The following VPS13B variants were observed in gnomAD, a reference collection of about 807,000 sequenced individuals.
VPS13B encodes the protein intermembrane lipid transfer protein VPS13B.
In VPS13B, 285 loss-of-function variants were observed where a neutral mutation model predicts 426.4. That is an observed-to-expected ratio of 0.67 (90% CI 0.61 to 0.74). VPS13B has a LOEUF of 0.74. Among genes scored for constraint, VPS13B ranks in the 30% least tolerant of loss-of-function variants. The probability of loss-of-function intolerance (pLI) is 0.00; values close to 1 mark genes in which losing one functional copy is unlikely to be tolerated. For synonymous variants in VPS13B, 1,676 were observed against 1,676.4 expected, an observed-to-expected ratio of 1.00 and a Z score of 0.01; for missense variants, 4,537 against 4,782.6, an observed-to-expected ratio of 0.95 and a Z score of 1.51.
At chr8:99,735,502 A>G (rs1833787926) in intron 39 of VPS13B, among the ~76,000 whole-genome samples, 1 of 152,202 alleles carries the variant, frequency 6.6e-6, no homozygotes, top group African/African-American at 2.4e-5. Flanking sequence ...CTACAAGCCA[A>G]GGAACACCTG....
intron 17 of VPS13B, among the ~76,000 whole-genome samples, chr8:99,221,630 C>T (rs553403472): frequency 6.6e-6 from 1 of 152,148 alleles, no homozygotes; most frequent in Non-Finnish European, 1.5e-5. Flanking sequence ...CGCGGACACA[C>T]CGTGTTCTCA....
chr8:99,157,119 T>C lies in VPS13B; in HGVS notation c.2208+376T>C, dbSNP rs1018391363. Among the ~76,000 whole-genome samples, 30 of 152,206 alleles carry C rather than the reference T, an allele frequency of 2.0e-4. 1 individual carries two copies. On this transcript the variant is annotated intron_variant, in intron 15 of 61. Coordinates refer to ENST00000357162, the MANE Select transcript of VPS13B (RefSeq NM_152564.5). ...CATTTGTGTGAGGCATAATGAGGCA[T>C]AAAGAGGGCCTAAAACTTTTTTATG...
chr8:99,608,759 C>T (rs1210046472), intron 33 of VPS13B, among the ~76,000 whole-genome samples: 4 of 152,050 alleles, frequency 2.6e-5, no homozygotes, highest in African/African-American at 9.7e-5. Context: ...ATATGTGGTC[C>T]TTTGTGGCTG....
chr8:99,431,316 G>T (rs888018373), intron 21 of VPS13B, among the ~76,000 whole-genome samples: 3 of 152,128 alleles, frequency 2.0e-5, no homozygotes, highest in African/African-American at 7.2e-5. Flanking sequence ...CCTGACAAGG[G>T]TGAATGCTCT....
chr8:99,487,544 A>G (rs1480661140), intron 25 of VPS13B, among the ~76,000 whole-genome samples: 1 of 152,140 alleles, frequency 6.6e-6, no homozygotes, highest in Non-Finnish European at 1.5e-5. Context: ...ACCACTATCT[A>G]TTTCTAGAAA....
At chr8:99,017,533 A>G (rs1035827333) in intron 2 of VPS13B, among the ~76,000 whole-genome samples, 2 of 150,618 alleles carry the variant, frequency 1.3e-5, no homozygotes, top group Non-Finnish European at 3.0e-5. Context: ...CTTGCTCTGT[A>G]GCCCAGGCTG....
intron 3 of VPS13B, among the ~76,000 whole-genome samples, chr8:99,043,685 A>C (rs1156941496): frequency 6.6e-6 from 1 of 151,748 alleles, no homozygotes; most frequent in Non-Finnish European, 1.5e-5. Context: ...TGGTTCACAG[A>C]CTTTTTTTTT....
chr8:99,408,973 T>C (rs529562357), intron 21 of VPS13B, among the ~76,000 whole-genome samples: 63 of 152,256 alleles, frequency 4.1e-4, no homozygotes, highest in Non-Finnish European at 8.1e-4. Flanking sequence ...AAACAATGGC[T>C]CTAAAAAACT....
rs778909946 is a variant in VPS13B, at chr8:99,296,543, C to G, written c.2824+21289C>G. Among the ~76,000 whole-genome samples, 3 of 152,064 alleles carry G rather than the reference C, an allele frequency of 2.0e-5. No individual in the cohort carries two copies. In the East Asian group the frequency reaches 5.8e-4, roughly 29 times the overall value. Reference sequence around the variant, plus strand: ...GTTAAATCTTTCTTTACTCTAAAAACAAGCAAAACCTTATCTGTGCATATT... The same window carrying G: ...GTTAAATCTTTCTTTACTCTAAAAAGAAGCAAAACCTTATCTGTGCATATT... On this transcript the variant is annotated intron_variant, in intron 19 of 61. Coordinates refer to ENST00000357162, the MANE Select transcript of VPS13B (RefSeq NM_152564.5).
At chr8:99,777,565 C>T (rs542865605) in intron 41 of VPS13B, among the ~76,000 whole-genome samples, 2 of 152,302 alleles carry the variant, frequency 1.3e-5, no homozygotes, top group South Asian at 4.1e-4. Flanking sequence ...TGGGTGGGGA[C>T]ACAACCAAAC....
intron 23 of VPS13B, among the ~76,000 whole-genome samples, chr8:99,455,706 A>G (rs1343270452): frequency 1.3e-5 from 2 of 152,156 alleles, no homozygotes; most frequent in Non-Finnish European, 2.9e-5. Context: ...ACATTTTAAT[A>G]CACTGGAATC....
intron 31 of VPS13B, among the ~76,000 whole-genome samples, chr8:99,568,181 CAG>C (rs1269723893): frequency 6.6e-6 from 1 of 151,656 alleles, no homozygotes; most frequent in Non-Finnish European, 1.5e-5. Context: ...TTTTGTAAGT[CAG>C]AGAGAGTTTG....
chr8:99,013,477 G>T (rs984924001), intron 1 of VPS13B, 130 bp downstream of exon 1: 15 of 396,664 alleles, frequency 3.8e-5, no homozygotes, highest in Admixed American at 7.6e-5. Context: ...TTGGTGAAGG[G>T]CTACTGCGGC....
chr8:99,043,967 A>C (rs900094389), intron 3 of VPS13B, among the ~76,000 whole-genome samples: 1 of 151,792 alleles, frequency 6.6e-6, no homozygotes, highest in African/African-American at 2.4e-5. Flanking sequence ...GCTATCATTT[A>C]AAGTGCTTAT....
rs1841422310 is a variant in VPS13B, at chr8:99,013,362, G to A, written c.-30+15G>A. The A allele has an allele frequency of 3.4e-6, 1 of 289,974 alleles. No individual in the cohort carries two copies. Among genetic ancestry groups the A allele is most frequent in the Non-Finnish European group, 6.7e-6 (1 of 148,628 alleles). The allele number at this position is 289,974 out of a possible 1,614,324, so 18.0% of individuals were successfully genotyped here. ...TACTCTGGCGTGTGAGCCGAGGGTG[G>A]AGTGCAGAGGGAGCGGGAGCGGGAC... On this transcript the variant is annotated intron_variant, in intron 1 of 61. Coordinates refer to ENST00000357162, the MANE Select transcript of VPS13B (RefSeq NM_152564.5).
chr8:99,200,228 G>T (rs759411662), intron 17 of VPS13B, among the ~76,000 whole-genome samples: 6 of 151,900 alleles, frequency 3.9e-5, no homozygotes, highest in African/African-American at 4.8e-5. Flanking sequence ...AGCATATGTC[G>T]GTGCTCATTC....
chr8:99,362,854 A>G (rs1812644108), intron 19 of VPS13B, among the ~76,000 whole-genome samples: 1 of 152,184 alleles, frequency 6.6e-6, no homozygotes, highest in South Asian at 2.1e-4. Flanking sequence ...CTTGGATAGT[A>G]TGGTAGCTCT....
chr8:99,744,512 C>T (rs541121358), intron 39 of VPS13B, among the ~76,000 whole-genome samples: 128 of 152,266 alleles, frequency 8.4e-4, no homozygotes, highest in African/African-American at 2.9e-3. Flanking sequence ...TATAAAGACA[C>T]ATGCACACGT....
intron 23 of VPS13B, among the ~76,000 whole-genome samples, chr8:99,455,501 C>A (rs557310884): frequency 6.6e-6 from 1 of 152,142 alleles, no homozygotes; most frequent in Non-Finnish European, 1.5e-5. Context: ...AAACAGCCAG[C>A]TCTTACTGAA....
Sources: allele counts gnomAD v4.1 joint callset (sites outside exome capture counted in the v4.1 genomes callset), GRCh38; gene constraint gnomAD v4.1.1; transcripts MANE v1.5; gene names NCBI Gene and HGNC (gene_info 2026-07-23, HGNC 2026-07-21).